The following NEURL1 variants were observed in gnomAD, a reference collection of about 807,000 sequenced individuals.
NEURL1 encodes neuralized E3 ubiquitin protein ligase 1, also known as E3 ubiquitin-protein ligase NEURL1.
In NEURL1, 26 loss-of-function variants were observed where a neutral mutation model predicts 41.2. The observed-to-expected ratio is 0.63, with a 90% confidence interval of 0.46 to 0.87. The LOEUF is 0.87. NEURL1 is among the 40% of genes least tolerant of loss of function. The pLI, the probability that NEURL1 is intolerant of heterozygous loss-of-function variation, is 0.00. For synonymous variants in NEURL1, 400 were observed against 402.3 expected (o/e 0.99, Z 0.07); for missense variants, 761 against 871.1 (o/e 0.87, Z 1.59).
At chr10:103,548,311 T>C (rs770726668) in intron 1 of NEURL1, among the ~76,000 whole-genome samples, 4 of 151,434 alleles carry the variant, frequency 2.6e-5, no homozygotes, top group Non-Finnish European at 5.9e-5. Flanking sequence ...TTTCTCCTCC[T>C]TGGGGTAATA....
intron 1 of NEURL1, among the ~76,000 whole-genome samples, chr10:103,495,982 C>G (rs1652845807): frequency 6.6e-6 from 1 of 152,074 alleles, no homozygotes; most frequent in African/African-American, 2.4e-5. Context: ...GTGGTGCGTG[C>G]CTATGATCCC....
intron 1 of NEURL1, among the ~76,000 whole-genome samples, chr10:103,529,416 A>G (rs979873329): frequency 1.3e-5 from 2 of 152,216 alleles, no homozygotes; most frequent in African/African-American, 4.8e-5. Context: ...CCAGAAAATG[A>G]CATTCTATAC....
intron 3 of NEURL1, among the ~76,000 whole-genome samples, chr10:103,574,989 AT>A (rs35652840): frequency 0.74 from 106,662 of 145,022 alleles, 39,146 homozygotes; most frequent in South Asian, 0.85. Context: ...TTCTTCCTGA[AT>A]TTTTTTTTTT....
chr10:103,533,493 C>T (rs996386872), intron 1 of NEURL1, among the ~76,000 whole-genome samples: 9 of 151,762 alleles, frequency 5.9e-5, no homozygotes, highest in African/African-American at 2.2e-4. Flanking sequence ...CCTCAGCCTC[C>T]TGAGTAGCTG....
intron 1 of NEURL1, among the ~76,000 whole-genome samples, chr10:103,495,965 G>C (rs537397647): frequency 6.6e-6 from 1 of 152,132 alleles, no homozygotes; most frequent in South Asian, 2.1e-4. Flanking sequence ...AAAATTAGCC[G>C]GGCATAGTGG....
intron 1 of NEURL1, among the ~76,000 whole-genome samples, chr10:103,537,191 ATGTTTTGGTCATTG>A (rs1422474685): frequency 6.6e-6 from 1 of 152,166 alleles, no homozygotes; most frequent in Non-Finnish European, 1.5e-5. Flanking sequence ...GGTTGCTTCC[ATGTTTTGGTCATTG>A]TGAATAATGC....
intron 1 of NEURL1, among the ~76,000 whole-genome samples, chr10:103,548,261 G>A (rs867580691): frequency 1.2e-4 from 18 of 152,142 alleles, no homozygotes; most frequent in African/African-American, 2.9e-4. Flanking sequence ...CAGAGTAAGC[G>A]GGTACCGAGT....
At chr10:103,516,344 G>T (rs768471784) in intron 1 of NEURL1, among the ~76,000 whole-genome samples, 8 of 151,356 alleles carry the variant, frequency 5.3e-5, no homozygotes, top group Non-Finnish European at 8.8e-5. Context: ...CTGGTGCCAG[G>T]TTTTCAGGTG....
At chr10:103,511,285 G>T (rs909602543) in intron 1 of NEURL1, among the ~76,000 whole-genome samples, 3 of 152,166 alleles carry the variant, frequency 2.0e-5, no homozygotes, top group Non-Finnish European at 4.4e-5. Context: ...TGGGTCTGCA[G>T]GGACCCCCAG....
Position 103,590,321 on chromosome 10 carries a change from C to T in NEURL1, c.1674C>T (p.Pro558=). Residue 558 remains proline, a synonymous_variant, in exon 6 of 6, where the codon CCC becomes CCT. Coordinates refer to ENST00000369780, the MANE Select transcript of NEURL1 (RefSeq NM_004210.5). ...RLKKALHACC[P]ICRRPIKDII... is the part of the protein sequence containing the mutation. ...AGAAGGCTCTGCACGCCTGCTGCCC[C>T]ATCTGCCGCCGCCCCATCAAGGACA... 1 of 1,614,160 alleles carries T rather than the reference C, an allele frequency of 6.2e-7. No individual in the cohort carries two copies. Among genetic ancestry groups the T allele is most frequent in the Non-Finnish European group, 8.5e-7 (1 of 1,180,028 alleles).
intron 1 of NEURL1, among the ~76,000 whole-genome samples, chr10:103,517,629 T>A (rs1274274363): frequency 1.3e-5 from 2 of 152,248 alleles, no homozygotes; most frequent in Non-Finnish European, 2.9e-5. Flanking sequence ...TGTAATCAAG[T>A]CCACAAAGGT....
At chr10:103,587,056 G>T (rs2035938589) in intron 4 of NEURL1, among the ~76,000 whole-genome samples, 1 of 148,410 alleles carries the variant, frequency 6.7e-6, no homozygotes, top group African/African-American at 2.6e-5. Flanking sequence ...CTCAAGAAAA[G>T]AAAGAGAGAG....
At chr10:103,516,075 A>C (rs1184373898) in intron 1 of NEURL1, among the ~76,000 whole-genome samples, 1 of 151,746 alleles carries the variant, frequency 6.6e-6, no homozygotes, top group African/African-American at 2.4e-5. Context: ...AAAAATATAA[A>C]AAATTAGCCG....
chr10:103,565,001 T>C (rs1223646467), intron 1 of NEURL1, among the ~76,000 whole-genome samples: 3 of 152,138 alleles, frequency 2.0e-5, no homozygotes, highest in African/African-American at 7.2e-5. Flanking sequence ...AGAGGAGTGC[T>C]GGGCACAGCG....
chr10:103,570,359 G>C (rs1310664481), intron 1 of NEURL1, among the ~76,000 whole-genome samples: 1 of 152,150 alleles, frequency 6.6e-6, no homozygotes, highest in Middle Eastern at 3.2e-3. Context: ...TCTTCCCCAA[G>C]GTCACAGAGC....
chr10:103,547,672 G>A (rs1020364927), intron 1 of NEURL1, among the ~76,000 whole-genome samples: 4 of 152,352 alleles, frequency 2.6e-5, no homozygotes, highest in South Asian at 4.1e-4. Context: ...AGGCTGAGCC[G>A]TGGGGCTAAA....
At chr10:103,551,498 T>G (rs527943667) in intron 1 of NEURL1, among the ~76,000 whole-genome samples, 1 of 152,120 alleles carries the variant, frequency 6.6e-6, no homozygotes, top group South Asian at 2.1e-4. Context: ...GAGATGGGGT[T>G]TCACCATGTT....
chr10:103,550,642 G>A (rs185481272), intron 1 of NEURL1: 7 of 152,220 alleles, frequency 4.6e-5, no homozygotes, highest in South Asian at 2.1e-4. Flanking sequence ...TCTGGAAAAC[G>A]TCTAGGCTCT....
rs546674347 is a variant in NEURL1 at position 103,533,691 on chromosome 10, C to T, written c.86-37181C>T. Among the ~76,000 whole-genome samples the T allele has an allele frequency of 2.3e-4, 35 of 152,314 alleles. No homozygotes were observed. The East Asian group carries it at 2.3e-3, about 10-fold the overall frequency. ...AGCTGGGACTACAGGCGCCCGCCATCACACCCGGCTAATTTTTTGTATTTT... is the reference window on the plus strand; with the variant it reads ...AGCTGGGACTACAGGCGCCCGCCATTACACCCGGCTAATTTTTTGTATTTT... On this transcript the variant is annotated intron_variant, in intron 1 of 5. Coordinates refer to ENST00000369780, the MANE Select transcript of NEURL1 (RefSeq NM_004210.5).
Sources: allele counts gnomAD v4.1 joint callset (sites outside exome capture counted in the v4.1 genomes callset), GRCh38; gene constraint gnomAD v4.1.1; transcripts MANE v1.5; gene names NCBI Gene and HGNC (gene_info 2026-07-23, HGNC 2026-07-21).